The following RAPGEF6 variants were observed in gnomAD, a reference collection of about 807,000 sequenced individuals.
RAPGEF6 encodes Rap guanine nucleotide exchange factor 6, also known as PDZ domain containing guanine nucleotide exchange factor (GEF) 2.
Under a neutral mutation model 171.4 loss-of-function variants are expected in RAPGEF6, and 56 were observed. That is an observed-to-expected ratio of 0.33 (90% CI 0.26 to 0.41). The LOEUF (loss-of-function observed/expected upper bound fraction) is 0.41. RAPGEF6 is among the 10% of genes least tolerant of loss of function. The probability of loss-of-function intolerance (pLI) is 1.00; values close to 1 mark genes in which losing one functional copy is unlikely to be tolerated. For missense variants in RAPGEF6, 1,674 were observed against 1,921.4 expected (o/e 0.87, Z 2.41); for synonymous variants, 692 against 650.1 (o/e 1.06, Z -0.98).
intron 1 of RAPGEF6, among the ~76,000 whole-genome samples, chr5:131,606,776 C>T (rs984163332): frequency 1.3e-5 from 2 of 152,166 alleles, no homozygotes; most frequent in African/African-American, 4.8e-5. Flanking sequence ...CCTGAGACCA[C>T]TAATGTTGTG....
At position 131,427,163 on chromosome 5, in the gene RAPGEF6, T is replaced by A. The variant is rs560317295; in HGVS notation, c.*103A>T. ...GAGGGAATAAAACCTCTGGACTGGT[T>A]GTAGCAATGAGCTGTTCGTTAGCAA... is the stretch of plus-strand genomic sequence containing the variant. On this transcript the variant is annotated 3_prime_UTR_variant, in exon 28 of 28. Transcript: ENST00000509018. The A allele has an allele frequency of 3.8e-6, 4 of 1,053,180 alleles. No individual in the cohort carries two copies. Among genetic ancestry groups the A allele is most frequent in the Non-Finnish European group, 6.0e-6 (4 of 671,296 alleles). 65.2% of individuals were successfully genotyped at this position (1,053,180 alleles called of 1,614,324 possible). A position where few individuals can be genotyped will look rare whatever the true frequency, so the allele number is the denominator to read the frequency against.
intron 24 of RAPGEF6, among the ~76,000 whole-genome samples, chr5:131,439,313 A>C (rs1464398748): frequency 6.6e-6 from 1 of 152,218 alleles, no homozygotes; most frequent in Non-Finnish European, 1.5e-5. Context: ...ATTTGCACCA[A>C]AACTATGGCT....
intron 1 of RAPGEF6, among the ~76,000 whole-genome samples, chr5:131,607,486 T>C (rs1764673574): frequency 6.6e-6 from 1 of 152,162 alleles, no homozygotes; most frequent in Non-Finnish European, 1.5e-5. Context: ...AATTAGAAGA[T>C]CAGAAAAAAA....
intron 24 of RAPGEF6, among the ~76,000 whole-genome samples, chr5:131,437,620 C>T (rs112831365): frequency 1.3e-5 from 2 of 152,294 alleles, no homozygotes; most frequent in African/African-American, 4.8e-5. Flanking sequence ...GTGTGCCACA[C>T]AAAATTACAT....
At chr5:131,498,741 T>G in intron 11 of RAPGEF6, 134 bp from the exon 12 acceptor site, 3 of 792,054 alleles carry the variant, frequency 3.8e-6, no homozygotes, top group Non-Finnish European at 6.1e-6. Context: ...TTTAAATCCT[T>G]AGCGCTGGGA....
At chr5:131,434,552 T>A (rs1051398286) in intron 24 of RAPGEF6, among the ~76,000 whole-genome samples, 5 of 152,244 alleles carry the variant, frequency 3.3e-5, no homozygotes, top group Non-Finnish European at 5.9e-5. Context: ...TTCAGTTTTT[T>A]AAATTGTTTT....
At chr5:131,561,461 C>CAT (rs1346583008) in intron 5 of RAPGEF6, among the ~76,000 whole-genome samples, 1 of 151,978 alleles carries the variant, frequency 6.6e-6, no homozygotes, top group Non-Finnish European at 1.5e-5. Flanking sequence ...AGTTCGAGAC[C>CAT]AGCCTGGCCA....
intron 4 of RAPGEF6, among the ~76,000 whole-genome samples, chr5:131,573,467 A>T (rs1762427728): frequency 6.6e-6 from 1 of 152,022 alleles, no homozygotes; most frequent in Admixed American, 6.5e-5. Flanking sequence ...AGTGACTTAA[A>T]TGGAGTCACT....
chr5:131,594,760 C>T (rs191392070), intron 3 of RAPGEF6, among the ~76,000 whole-genome samples: 4 of 152,274 alleles, frequency 2.6e-5, no homozygotes, highest in South Asian at 2.1e-4. Flanking sequence ...ATGGAGTCAA[C>T]GGAGGTTATT....
intron 13 of RAPGEF6, among the ~76,000 whole-genome samples, chr5:131,494,626 G>C (rs1756505980): frequency 6.6e-6 from 1 of 152,094 alleles, no homozygotes; most frequent in Non-Finnish European, 1.5e-5. Flanking sequence ...TGAATATATG[G>C]GTGAGGAACT....
Position 131,548,170 on chromosome 5 carries a change from A to G in RAPGEF6, c.372T>C (p.Asn124=), listed in dbSNP as rs1252899100. The change falls in exon 6 of 28, where the codon AAT becomes AAC. Residue 124 remains asparagine, a synonymous_variant. Transcript: ENST00000509018. ...EMIVVENAKD[N]EDSILQREIP... Reference sequence around the variant, plus strand: ...TTTCTCTTTGTAGAATACTATCTTCATTATCTTTGGCATTCTCTACCTGAA... The same window carrying G: ...TTTCTCTTTGTAGAATACTATCTTCGTTATCTTTGGCATTCTCTACCTGAA... 2.5e-6 allele frequency: 4 copies of G among 1,613,794 alleles called. No homozygotes were observed. Among genetic ancestry groups the G allele is most frequent in the Non-Finnish European group, 3.4e-6 (4 of 1,179,876 alleles).
At chr5:131,497,290 A>T (rs1313511600) in intron 12 of RAPGEF6, among the ~76,000 whole-genome samples, 1 of 152,034 alleles carries the variant, frequency 6.6e-6, no homozygotes, top group African/African-American at 2.4e-5. Context: ...CAGATATATA[A>T]TTTTCTCTTA....
chr5:131,552,327 C>G (rs757055528), intron 5 of RAPGEF6, among the ~76,000 whole-genome samples: 6 of 152,040 alleles, frequency 3.9e-5, no homozygotes, highest in Non-Finnish European at 8.8e-5. Flanking sequence ...TTCAAAACCA[C>G]AAGGCATCCT....
intron 6 of RAPGEF6, among the ~76,000 whole-genome samples, chr5:131,529,475 A>AG (rs1759217152): frequency 1.4e-5 from 2 of 147,212 alleles, no homozygotes; most frequent in South Asian, 4.3e-4. Flanking sequence ...GACTCTGTCA[A>AG]AAAAAAAAAA....
intron 4 of RAPGEF6, among the ~76,000 whole-genome samples, chr5:131,588,464 C>G (rs565880503): frequency 2.0e-5 from 3 of 152,114 alleles, no homozygotes; most frequent in Non-Finnish European, 4.4e-5. Flanking sequence ...CGGTGGCTCA[C>G]ACTGTAGGGT....
chr5:131,464,393 T>C, intron 17 of RAPGEF6, 112 bp from the exon 18 acceptor site: 7 of 755,970 alleles, frequency 9.3e-6, no homozygotes, highest in Non-Finnish European at 1.6e-5. Context: ...TATACATTTC[T>C]ATTTCACAAT....
At chr5:131,453,224 A>G in intron 20 of RAPGEF6, 47 bp from the exon 21 acceptor site, 1 of 1,535,318 alleles carries the variant, frequency 6.5e-7, no homozygotes, top group Non-Finnish European at 8.8e-7. Flanking sequence ...AATTATCTAC[A>G]TAAAAGTAGC....
In RAPGEF6 at chr5:131,510,376, C is replaced by G. The variant is rs778209347; in HGVS notation, c.743G>C (p.Gly248Ala). The G allele has an allele frequency of 8.7e-6, 14 of 1,613,934 alleles. No homozygotes were observed. Among genetic ancestry groups the G allele is most frequent in the Non-Finnish European group, 8.5e-7 (1 of 1,180,010 alleles). ...AAGACATTCTCGAACAAGATCTCGCCCCTGCAATGGATCTGTTCGATCAAT... is the reference window on the plus strand; with the variant it reads ...AAGACATTCTCGAACAAGATCTCGCGCCTGCAATGGATCTGTTCGATCAAT... ...EEIDRTDPLQ[G>A]RDLVRECLEK... The change falls in exon 8 of 28, where the codon GGG becomes GCG. Residue 248 changes from glycine to alanine, a missense_variant. By Grantham distance (60) the Gly-to-Ala change is moderately conservative. Coordinates refer to ENST00000509018, the MANE Select transcript of RAPGEF6 (RefSeq NM_016340.6).
intron 7 of RAPGEF6, among the ~76,000 whole-genome samples, chr5:131,515,363 G>A (rs904116058): frequency 5.9e-5 from 9 of 152,140 alleles, no homozygotes; most frequent in African/African-American, 9.7e-5. Context: ...AACACGGCAG[G>A]CAGGCAAAAT....
Sources: gnomAD v4.1 joint callset for allele counts (sites outside exome capture counted in the v4.1 genomes callset) on GRCh38, gnomAD v4.1.1 for gene constraint, MANE v1.5 for transcripts, NCBI Gene and HGNC (gene_info 2026-07-23, HGNC 2026-07-21) for gene names.